CFHR4: variants seen among roughly 807,000 people sequenced by gnomAD.
CFHR4 encodes complement factor H related 4, also known as complement factor H-related protein 4.
In CFHR4, 64 loss-of-function variants were observed where a neutral mutation model predicts 69.3. The observed-to-expected ratio is 0.92, with a 90% CI of 0.76 to 1.14. The LOEUF is 1.14. Ranked by LOEUF, CFHR4 falls within the 50% of genes most tolerant of loss-of-function variation. CFHR4 has a pLI of 0.00. For missense variants in CFHR4, 636 were observed against 684.9 expected (o/e 0.93, Z 0.80); for synonymous variants, 244 against 237.0 (o/e 1.03, Z -0.27).
Position 196,914,936 on chromosome 1 carries a change from TATA to T in CFHR4, c.1358-18_1358-16del, listed in dbSNP as rs1406331668. The T allele has an allele frequency of 3.1e-6, 5 of 1,607,070 alleles. No individual in the cohort carries two copies. In the African/African-American group the frequency reaches 6.8e-5, roughly 22 times the overall value. On this transcript the variant is annotated splice_polypyrimidine_tract_variant and intron_variant, in intron 8 of 9. Transcript: ENST00000608469. ...ATAAGACTATTGATTTTTCCCCACATATAAAGTATTTTTTTTCAGATTCTTCAG... is the reference window on the plus strand; with the variant it reads ...ATAAGACTATTGATTTTTCCCCACATAAGTATTTTTTTTCAGATTCTTCAG...
chr1:196,915,801 C>T (rs901332051), intron 9 of CFHR4, among the ~76,000 whole-genome samples: 1 of 151,430 alleles, frequency 6.6e-6, no homozygotes, highest in African/African-American at 2.4e-5. Flanking sequence ...TGAAATATGG[C>T]ATCTCAGCTT....
Position 196,915,044 on chromosome 1 carries a change from A to T in CFHR4, c.1446A>T (p.Arg482Ser), listed in dbSNP as rs747444327. The change falls in exon 9 of 10, where the codon AGA (arginine) becomes AGT (serine). Residue 482 changes from arginine to serine, a missense_variant. This residue lies in a region of CFHR4 where 22 missense variants were observed against 72.8 expected (regional missense o/e 0.30). Transcript: ENST00000608469. ...TAAAAGTGTATGTGCCACAGTCAAG[A>T]GTCGAGTACCAATGCCAGTCCTACT... ...FLLKVYVPQS[R>S]VEYQCQSYYE... The T allele has an allele frequency of 6.2e-7, 1 of 1,613,420 alleles. No homozygotes were observed. Among genetic ancestry groups the T allele is most frequent in the Admixed American group, 1.7e-5 (1 of 59,902 alleles).
intron 5 of CFHR4, among the ~76,000 whole-genome samples, chr1:196,908,945 A>C (rs1558246668): frequency 6.6e-6 from 1 of 151,518 alleles, no homozygotes; most frequent in East Asian, 1.9e-4. Flanking sequence ...GATGGGCTAA[A>C]CCTTAATTAT....
At chr1:196,914,724 C>A (rs1472120337) in intron 8 of CFHR4, 53 bp downstream of exon 8, 25 of 1,494,718 alleles carry the variant, frequency 1.7e-5, no homozygotes, top group Admixed American at 2.2e-5. Context: ...ATAATAGACA[C>A]CTACATATGT....
At chr1:196,902,738 A>G (rs955595645) in intron 2 of CFHR4, 123 bp downstream of exon 2, 29 of 692,798 alleles carry the variant, frequency 4.2e-5, no homozygotes, top group Non-Finnish European at 6.4e-5. Context: ...GTTCAAGCAA[A>G]AAGACCAAAA....
intron 5 of CFHR4, among the ~76,000 whole-genome samples, chr1:196,907,869 C>T (rs1036127029): frequency 6.6e-6 from 1 of 151,214 alleles, no homozygotes; most frequent in Non-Finnish European, 1.5e-5. Flanking sequence ...TTTGAAAACA[C>T]TGTTTTAAAA....
At chr1:196,891,851 T>C (rs1657057338) in intron 1 of CFHR4, among the ~76,000 whole-genome samples, 1 of 151,250 alleles carries the variant, frequency 6.6e-6, no homozygotes, top group Non-Finnish European at 1.5e-5. Context: ...TATTCGTGTG[T>C]GGACCTATAT....
Position 196,907,446 on chromosome 1 carries a change from T to C in CFHR4, c.747T>C (p.Ser249=). The C allele has an allele frequency of 6.2e-7, 1 of 1,612,226 alleles. No homozygotes were observed. The highest frequency in any genetic ancestry group is 8.5e-7 in the Non-Finnish European group (1 of 1,179,184). Residue 249 remains serine, a synonymous_variant, in exon 5 of 10, where the codon TCT becomes TCC. Coordinates refer to ENST00000608469, the MANE Select transcript of CFHR4 (RefSeq NM_001201550.3). The part of the protein sequence containing the change: ...QCQSYYELQG[S]KYVTCSNGDW... ...AGTCCTACTATGAACTTCAGGGTTC[T>C]AAATATGTAACATGTAGTAATGGAG...
chr1:196,888,886 G>GAA (rs1368288483), intron 1 of CFHR4, among the ~76,000 whole-genome samples: 3 of 151,152 alleles, frequency 2.0e-5, no homozygotes, highest in Admixed American at 1.3e-4. Flanking sequence ...AATTTTCATA[G>GAA]CTTTATGTCA....
At chr1:196,895,238 A>T (rs888503882) in intron 1 of CFHR4, among the ~76,000 whole-genome samples, 1 of 151,498 alleles carries the variant, frequency 6.6e-6, no homozygotes, top group African/African-American at 2.4e-5. Flanking sequence ...ATCACTACAA[A>T]TTAAAAAACT....
At chr1:196,905,361 C>T in intron 3 of CFHR4, 71 bp downstream of exon 3, 2 of 1,574,520 alleles carry the variant, frequency 1.3e-6, no homozygotes, top group Non-Finnish European at 1.7e-6. Flanking sequence ...TAGTGTTTTA[C>T]AGAAAAAGAT....
chr1:196,891,942 G>A (rs1466537958), intron 1 of CFHR4, among the ~76,000 whole-genome samples: 3 of 151,330 alleles, frequency 2.0e-5, no homozygotes, highest in Non-Finnish European at 4.4e-5. Flanking sequence ...CAAACAAAAT[G>A]CCACAAAACT....
chr1:196,907,115 T>A (rs1170583040), intron 4 of CFHR4, 78 bp downstream of exon 4: 3 of 1,369,604 alleles, frequency 2.2e-6, no homozygotes, highest in Non-Finnish European at 2.0e-6. Flanking sequence ...TACACATATG[T>A]GTATGAATAC....
intron 9 of CFHR4, among the ~76,000 whole-genome samples, chr1:196,917,894 T>G (rs756499435): frequency 7.9e-5 from 12 of 151,624 alleles, no homozygotes; most frequent in Non-Finnish European, 1.5e-4. Context: ...CATGTTAGCA[T>G]AATCCTTTTT....
chr1:196,895,610 T>C (rs974459180), intron 1 of CFHR4, among the ~76,000 whole-genome samples: 5 of 151,526 alleles, frequency 3.3e-5, no homozygotes, highest in Non-Finnish European at 7.4e-5. Context: ...TTCTTTTTGT[T>C]TCCTTTTCAG....
chr1:196,906,904 T>C lies in CFHR4; in HGVS notation c.483T>C (p.Ser161=), dbSNP rs750358145. 6.2e-7 allele frequency: 1 copy of C among 1,609,532 alleles called. No individual in the cohort carries two copies. The highest frequency in any genetic ancestry group is 8.5e-7 in the Non-Finnish European group (1 of 1,178,880). ...TTTTTGAGAATTCCAGAGCCAAGAGTAATGGCATGTGGTTTAAGCTCCATG... is the reference window on the plus strand; with the variant it reads ...TTTTTGAGAATTCCAGAGCCAAGAGCAATGGCATGTGGTTTAAGCTCCATG... The part of the protein sequence containing the change: ...MPVFENSRAK[S]NGMWFKLHDT... The change falls in exon 4 of 10, where the codon AGT becomes AGC. Residue 161 remains serine (S), a synonymous_variant. Coordinates refer to ENST00000608469, the MANE Select transcript of CFHR4 (RefSeq NM_001201550.3).
At chr1:196,890,304 T>C (rs1656953512) in intron 1 of CFHR4, among the ~76,000 whole-genome samples, 1 of 151,578 alleles carries the variant, frequency 6.6e-6, no homozygotes. Context: ...TTCATATGAT[T>C]AATGAAGGAC....
chr1:196,907,130 G>T (rs746259829), intron 4 of CFHR4, 93 bp downstream of exon 4: 25 of 1,274,058 alleles, frequency 2.0e-5, no homozygotes, highest in Non-Finnish European at 2.7e-5. Flanking sequence ...GAATACATAT[G>T]TGTACATATA....
At position 196,898,757 on chromosome 1, in the gene CFHR4, G is replaced by A. The variant is rs142117644; in HGVS notation, c.59-3661G>A. On this transcript the variant is annotated intron_variant, in intron 1 of 9. Coordinates refer to ENST00000608469, the MANE Select transcript of CFHR4 (RefSeq NM_001201550.3). ...TCTGTGTCAGATGCTCTCCTGTGTC[G>A]TTGCCAAGGATGTTGGCCTGGGCTG... Among the ~76,000 whole-genome samples, 41 of 151,584 alleles carry A rather than the reference G, an allele frequency of 2.7e-4. 1 individual carries two copies. Among genetic ancestry groups the A allele is most frequent in the African/African-American group, 8.3e-4 (34 of 41,128 alleles).
Sources: gnomAD v4.1 joint callset for allele counts (sites outside exome capture counted in the v4.1 genomes callset) on GRCh38, gnomAD v4.1.1 for gene constraint, gnomAD v4.1.1 regional missense constraint, MANE v1.5 for transcripts, NCBI Gene and HGNC (gene_info 2026-07-23, HGNC 2026-07-21) for gene names.